The following ORC1 variants were observed in gnomAD, a reference collection of about 807,000 sequenced individuals.
The protein encoded by ORC1 is origin recognition complex subunit 1.
In ORC1, 61 loss-of-function variants were observed where a neutral mutation model predicts 98.9. That is an observed-to-expected ratio of 0.62 (90% CI 0.50 to 0.76). The LOEUF (loss-of-function observed/expected upper bound fraction) is 0.76. Ranked by LOEUF, ORC1 falls within the 30% of genes least tolerant of loss-of-function variation. ORC1 has a pLI of 0.00. For missense variants in ORC1, 979 were observed against 1,072.2 expected (o/e 0.91, Z 1.21); for synonymous variants, 385 against 406.9 (o/e 0.95, Z 0.65).
intron 13 of ORC1, among the ~76,000 whole-genome samples, chr1:52,382,263 G>C (rs2147920848): frequency 6.6e-6 from 1 of 152,192 alleles, no homozygotes; most frequent in African/African-American, 2.4e-5. Flanking sequence ...ACAGGCGTGA[G>C]CAACCACGCC....
At chr1:52,390,962 A>G (rs939380266) in intron 6 of ORC1, among the ~76,000 whole-genome samples, 6 of 151,892 alleles carry the variant, frequency 4.0e-5, no homozygotes, top group Non-Finnish European at 7.4e-5. Context: ...CTTATACAAA[A>G]ATCAACTCAA....
chr1:52,409,015 C>A, upstream of ORC1: 1 of 209,424 alleles, frequency 4.8e-6, no homozygotes, highest in Non-Finnish European at 9.7e-6. Context: ...AAAACCTTCC[C>A]CAGCCCTCTC....
chr1:52,375,160 G>A (rs1049518135), intron 15 of ORC1, among the ~76,000 whole-genome samples: 3 of 151,690 alleles, frequency 2.0e-5, no homozygotes, highest in African/African-American at 7.3e-5. Flanking sequence ...TTCATGAGCT[G>A]AGCACATCAA....
intron 8 of ORC1, 38 bp downstream of exon 8, chr1:52,388,404 G>A (rs775029957): frequency 6.6e-7 from 1 of 1,524,112 alleles, no homozygotes; most frequent in South Asian, 1.1e-5. Context: ...ACTAAGAGAG[G>A]GATGCTTCAA....
At position 52,393,823 on chromosome 1, in the gene ORC1, T is replaced by C. The variant is rs1647284202; in HGVS notation, c.722-20A>G. ...CTAAGTCTAAGAGAAATCATCACAA[T>C]GTGTAAATTTTTTACCTAACAATAT... On this transcript the variant is annotated intron_variant, in intron 5 of 16. Coordinates refer to ENST00000371568, the MANE Select transcript of ORC1 (RefSeq NM_004153.4). 4.3e-6 allele frequency: 7 copies of C among 1,609,248 alleles called. No homozygotes were observed. The highest frequency in any genetic ancestry group is 5.9e-6 in the Non-Finnish European group (7 of 1,179,890).
Position 52,381,776 on chromosome 1 carries a change from T to A in ORC1, c.2014-15A>T, listed in dbSNP as rs1647073754. ...CTGGTAAGACCCTGGGGAGCCAAAA[T>A]GACAGAGGAATAAGTTGGTTGACTG... is the stretch of plus-strand genomic sequence containing the variant. On this transcript the variant is annotated splice_polypyrimidine_tract_variant and intron_variant, in intron 13 of 16. Transcript: ENST00000371568. 1 of 1,611,692 alleles carries A rather than the reference T, an allele frequency of 6.2e-7. No individual in the cohort carries two copies. The highest frequency in any genetic ancestry group is 8.5e-7 in the Non-Finnish European group (1 of 1,178,640).
chr1:52,377,213 G>A (rs141427982), intron 14 of ORC1, among the ~76,000 whole-genome samples: 3 of 151,998 alleles, frequency 2.0e-5, no homozygotes, highest in African/African-American at 7.2e-5. Context: ...TAGTAGAGAT[G>A]GGGTTTCACC....
rs751628766 is a variant in ORC1 at position 52,393,628 on chromosome 1, A to G, written c.897T>C (p.Thr299=). The change falls in exon 6 of 17, where the codon ACT becomes ACC. Residue 299 remains threonine (T), a synonymous_variant. Coordinates refer to ENST00000371568, the MANE Select transcript of ORC1 (RefSeq NM_004153.4). ...TGTCATCCTCAGTATAAGAGAGTCC[A>G]GTCTCTCTGGTTTTCTCTGGGGCTT... ...ALKAPEKTRE[T]GLSYTEDDKK... is the part of the protein sequence containing the mutation. 1 of 1,614,032 alleles carries G rather than the reference A, an allele frequency of 6.2e-7. No individual in the cohort carries two copies. The highest frequency in any genetic ancestry group is 8.5e-7 in the Non-Finnish European group (1 of 1,179,886).
Position 52,385,239 on chromosome 1 carries a change from T to A in ORC1, c.1505A>T (p.Glu502Val). 1.2e-6 allele frequency: 2 copies of A among 1,613,560 alleles called. No homozygotes were observed. Among genetic ancestry groups the A allele is most frequent in the Non-Finnish European group, 1.7e-6 (2 of 1,179,438 alleles). The change falls in exon 10 of 17, where the codon GAG becomes GTG. Residue 502 changes from glutamate (E) to valine (V), a missense_variant. Transcript: ENST00000371568. ...TTCCTGTTCCCGACAGGGAAGAGAC[T>A]CAGGTACAGCAGAAACATGCAGCCT... ...RLRLHVSAVP[E>V]SLPCREQEFQ...
chr1:52,387,762 T>C (rs756206027), intron 8 of ORC1, among the ~76,000 whole-genome samples: 22 of 152,254 alleles, frequency 1.4e-4, no homozygotes, highest in Non-Finnish European at 2.6e-4. Flanking sequence ...CCAGCCGAGA[T>C]TTTTCTTTGA....
chr1:52,394,225 A>T (rs530044543), intron 5 of ORC1, among the ~76,000 whole-genome samples: 2 of 152,220 alleles, frequency 1.3e-5, no homozygotes, highest in Non-Finnish European at 2.9e-5. Context: ...CCCAGATTAT[A>T]TCTGCCAATA....
upstream of ORC1, chr1:52,404,450 CG>C (rs1311143293): frequency 7.4e-6 from 2 of 268,752 alleles, no homozygotes; most frequent in Non-Finnish European, 1.4e-5. Context: ...CGCCAATCGG[CG>C]TGGCCCCGCC....
At chr1:52,394,300 G>C (rs531844199) in intron 5 of ORC1, among the ~76,000 whole-genome samples, 15 of 152,300 alleles carry the variant, frequency 9.8e-5, no homozygotes, top group Non-Finnish European at 1.9e-4. Flanking sequence ...GTCTGGAATT[G>C]CTCCCTCATC....
rs1646955392 is a variant in ORC1, at chr1:52,373,193, C to T, written c.2574G>A (p.Leu858=). The T allele has an allele frequency of 6.2e-7, 1 of 1,614,148 alleles. No individual in the cohort carries two copies. The highest frequency in any genetic ancestry group is 8.5e-7 in the Non-Finnish European group (1 of 1,180,006). ...TTGTGAAGCCCCTTTACTCGTCTTT[C>T]AGCGCATACAGCACATCATCCTGGC... is the stretch of plus-strand genomic sequence containing the variant. ...NVSQDDVLYA[L]KDE Residue 858 remains leucine (L), a synonymous_variant, in exon 17 of 17, where the codon CTG becomes CTA. Transcript: ENST00000371568.
At chr1:52,402,065 A>C in intron 2 of ORC1, 64 bp downstream of exon 2, 1 of 1,153,130 alleles carries the variant, frequency 8.7e-7, no homozygotes, top group Non-Finnish European at 1.3e-6. Flanking sequence ...CAGGCTAGAT[A>C]CAAGTTGACT....
intron 14 of ORC1, among the ~76,000 whole-genome samples, chr1:52,379,442 A>C (rs983044925): frequency 2.0e-5 from 3 of 151,000 alleles, no homozygotes; most frequent in Non-Finnish European, 4.4e-5. Context: ...ACAGGGTTTC[A>C]CCCTGTTAGC....
In ORC1 at chr1:52,375,507, G is replaced by T. The variant is rs34644009; in HGVS notation, c.2226C>A (p.Ser742=). The T allele has an allele frequency of 2.3e-3, 3,771 of 1,614,130 alleles. 12 individuals carry two copies. Among genetic ancestry groups the T allele is most frequent in the Admixed American group, 5.2e-3 (311 of 60,026 alleles). Residue 742 remains serine (S), a synonymous_variant, in exon 15 of 17, where the codon TCC becomes TCA. Transcript: ENST00000371568. ...ICEFSQQKPD[S]PGLVTIAHSM... is the part of the protein sequence containing the mutation. ...AGTGGGCTATGGTGACCAGGCCAGG[G>T]GAGTCAGGCTTCTGCTGGGAGAACT...
At chr1:52,403,561 G>A (rs1647834325) in intron 1 of ORC1, among the ~76,000 whole-genome samples, 1 of 152,182 alleles carries the variant, frequency 6.6e-6, no homozygotes, top group South Asian at 2.1e-4. Flanking sequence ...TATTATTCAT[G>A]TGTTACAGAC....
intron 14 of ORC1, 71 bp from the exon 15 acceptor site, chr1:52,375,670 G>A (rs2147910125): frequency 7.0e-7 from 1 of 1,437,398 alleles, no homozygotes; most frequent in Non-Finnish European, 9.8e-7. Context: ...TGGTAGTGCT[G>A]GCAATGGACA....
Sources: gnomAD v4.1 joint callset for allele counts (sites outside exome capture counted in the v4.1 genomes callset) on GRCh38, gnomAD v4.1.1 for gene constraint, MANE v1.5 for transcripts, NCBI Gene and HGNC (gene_info 2026-07-23, HGNC 2026-07-21) for gene names.